Variants in PNLIP observed in about 807,000 individuals in gnomAD.
The protein encoded by PNLIP is pancreatic lipase.
A neutral mutation model predicts 57.1 loss-of-function variants in PNLIP; 49 were observed. The observed-to-expected ratio is 0.86, with a 90% confidence interval of 0.68 to 1.09. The LOEUF (loss-of-function observed/expected upper bound fraction) is 1.09, where lower values mean the gene tolerates loss of function less well. PNLIP is among the 50% of genes least tolerant of loss of function. PNLIP has a pLI of 0.00. For synonymous variants in PNLIP, 209 were observed against 200.4 expected (o/e 1.04, Z -0.36); for missense variants, 503 against 570.2 (o/e 0.88, Z 1.20).
In PNLIP at chr10:116,551,158, A is replaced by C. The variant is rs534226506; in HGVS notation, c.385A>C (p.Thr129Pro). 1 of 1,613,186 alleles carries C rather than the reference A, an allele frequency of 6.2e-7. No individual in the cohort carries two copies. The highest frequency in any genetic ancestry group is 2.2e-5 in the East Asian group (1 of 44,850). ...TGTGGACTGGAAAGGTGGCTCCCGA[A>C]CTGGATACACACAAGCCTCGCAGAA... ...ICVDWKGGSRTGYTQASQNIR... is the reference protein window; with the variant it reads ...ICVDWKGGSRPGYTQASQNIR... The change falls in exon 5 of 13, where the codon ACT becomes CCT. Residue 129 changes from threonine (T) to proline (P), a missense_variant. Physicochemically the swap from Thr to Pro is conservative, Grantham distance 38. Transcript: ENST00000369221.
chr10:116,555,376 T>C lies in PNLIP; in HGVS notation c.692-12T>C. On this transcript the variant is annotated splice_polypyrimidine_tract_variant and intron_variant, in intron 7 of 12. Coordinates refer to ENST00000369221, the MANE Select transcript of PNLIP (RefSeq NM_000936.4). ...CATTAGCATAAACCCTCATGTATTTTTATGATTTCAGGGTTTGGAATGAGC... is the reference window on the plus strand; with the variant it reads ...CATTAGCATAAACCCTCATGTATTTCTATGATTTCAGGGTTTGGAATGAGC... 6.2e-7 allele frequency: 1 copy of C among 1,614,164 alleles called. No individual in the cohort carries two copies. Among genetic ancestry groups the C allele is most frequent in the Non-Finnish European group, 8.5e-7 (1 of 1,180,020 alleles).
chr10:116,555,356 G>A, intron 7 of PNLIP, 32 bp from the exon 8 acceptor site: 1 of 1,614,112 alleles, frequency 6.2e-7, no homozygotes, highest in Non-Finnish European at 8.5e-7. Context: ...ATATACATTA[G>A]CATAAACCCT....
rs181453361 is a variant in PNLIP, at chr10:116,550,506, A to G, written c.325-592A>G. On this transcript the variant is annotated intron_variant, in intron 4 of 12. Coordinates refer to ENST00000369221, the MANE Select transcript of PNLIP (RefSeq NM_000936.4). ...TAGATATCTGGTAGGCAATGTTTTC[A>G]TGTGAAATATTAATAACTCTTTAGT... 6.0e-3 allele frequency among the ~76,000 whole-genome samples: 911 copies of G among 152,314 alleles called. 34 individuals are homozygous for G. The highest frequency in any genetic ancestry group is 0.056 in the Admixed American group (856 of 15,300).
chr10:116,564,653 G>GA (rs1394369797), intron 12 of PNLIP, among the ~76,000 whole-genome samples: 2 of 152,012 alleles, frequency 1.3e-5, no homozygotes, highest in African/African-American at 2.4e-5. Context: ...AATTCTCTTT[G>GA]AAAAAATTGA....
chr10:116,551,883 T>G (rs760522833), intron 5 of PNLIP, among the ~76,000 whole-genome samples: 3 of 152,216 alleles, frequency 2.0e-5, no homozygotes, highest in Non-Finnish European at 4.4e-5. Flanking sequence ...ACTGAGGTTT[T>G]TGAAGGTTCT....
intron 12 of PNLIP, among the ~76,000 whole-genome samples, chr10:116,563,973 T>TGAA (rs776308512): frequency 3.3e-5 from 5 of 152,122 alleles, no homozygotes; most frequent in Non-Finnish European, 5.9e-5. Context: ...TTTAGGTCTT[T>TGAA]GAAGACCCTA....
chr10:116,552,500 A>G (rs1400700534), intron 5 of PNLIP, among the ~76,000 whole-genome samples: 1 of 152,252 alleles, frequency 6.6e-6, no homozygotes, highest in East Asian at 1.9e-4. Flanking sequence ...AAATGGTTAT[A>G]GAATCAAGAT....
chr10:116,555,989 C>T lies in PNLIP; in HGVS notation c.812-11C>T, dbSNP rs1159263115. The T allele has an allele frequency of 6.6e-7, 1 of 1,510,186 alleles. No homozygotes were observed. The highest frequency in any genetic ancestry group is 9.2e-7 in the Non-Finnish European group (1 of 1,085,570). 93.5% of individuals were successfully genotyped at this position (1,510,186 alleles called of 1,614,324 possible). Reference sequence around the variant, plus strand: ...ATCTGTCCTTGATGTGTAATTGTGTCTGATTCAAAGGGACTCGAGACTTTG... The same window carrying T: ...ATCTGTCCTTGATGTGTAATTGTGTTTGATTCAAAGGGACTCGAGACTTTG... On this transcript the variant is annotated splice_polypyrimidine_tract_variant and intron_variant, in intron 8 of 12. Coordinates refer to ENST00000369221, the MANE Select transcript of PNLIP (RefSeq NM_000936.4).
intron 9 of PNLIP, among the ~76,000 whole-genome samples, chr10:116,557,523 A>C (rs578065674): frequency 6.6e-6 from 1 of 152,268 alleles, no homozygotes; most frequent in Non-Finnish European, 1.5e-5. Flanking sequence ...TGATGGGCAC[A>C]CTGCTGTATT....
Position 116,561,571 on chromosome 10 carries a change from G to C in PNLIP, c.1269G>C (p.Val423=). The C allele has an allele frequency of 6.2e-7, 1 of 1,613,636 alleles. No individual in the cohort carries two copies. Among genetic ancestry groups the C allele is most frequent in the East Asian group, 2.2e-5 (1 of 44,846 alleles). ...QMVKFIWYNN[V]INPTLPRVGA... ...TTAAATTTATTTGGTATAACAATGT[G>C]ATCAACCCAACTTTACCTAGAGTGG... is the stretch of plus-strand genomic sequence containing the variant. The change falls in exon 12 of 13, where the codon GTG becomes GTC. Residue 423 remains valine (V), a synonymous_variant. Coordinates refer to ENST00000369221, the MANE Select transcript of PNLIP (RefSeq NM_000936.4).
intron 12 of PNLIP, among the ~76,000 whole-genome samples, chr10:116,564,427 T>G (rs1847344291): frequency 6.6e-6 from 1 of 152,184 alleles, no homozygotes. Context: ...CTGGAATTTA[T>G]ACCCATAAAT....
intron 8 of PNLIP, 146 bp from the exon 9 acceptor site, chr10:116,555,854 A>G (rs1847247546): frequency 1.5e-6 from 1 of 645,912 alleles, no homozygotes; most frequent in South Asian, 1.9e-5. Flanking sequence ...CACAAATCAT[A>G]AATATACTTT....
chr10:116,552,223 T>C (rs1234102643), intron 5 of PNLIP, among the ~76,000 whole-genome samples: 1 of 152,242 alleles, frequency 6.6e-6, no homozygotes, highest in East Asian at 1.9e-4. Context: ...TTATCATTAT[T>C]TTAAAGTATA....
At chr10:116,556,497 C>T (rs1201242728) in intron 9 of PNLIP, among the ~76,000 whole-genome samples, 3 of 152,276 alleles carry the variant, frequency 2.0e-5, no homozygotes, top group Middle Eastern at 3.4e-3. Context: ...TAATTATAGA[C>T]ATGTGGACAT....
chr10:116,567,463 A>G (rs887234533), intron 12 of PNLIP, among the ~76,000 whole-genome samples: 1 of 152,190 alleles, frequency 6.6e-6, no homozygotes, highest in African/African-American at 2.4e-5. Context: ...CTAAGTGTTC[A>G]GTGACTGCTC....
chr10:116,567,029 T>C (rs1159578139), intron 12 of PNLIP, among the ~76,000 whole-genome samples: 1 of 147,028 alleles, frequency 6.8e-6, no homozygotes, highest in African/African-American at 2.5e-5. Context: ...CCTTCCTCCC[T>C]CCCTCTGTCC....
At position 116,551,170 on chromosome 10, in the gene PNLIP, C is replaced by A. The variant is rs936335398; in HGVS notation, c.397C>A (p.Gln133Lys). 1 of 1,612,480 alleles carries A rather than the reference C, an allele frequency of 6.2e-7. No individual in the cohort carries two copies. Among genetic ancestry groups the A allele is most frequent in the African/African-American group, 1.3e-5 (1 of 74,722 alleles). ...WKGGSRTGYT[Q>K]ASQNIRIVGA... ...AGGTGGCTCCCGAACTGGATACACA[C>A]AAGCCTCGCAGAACATCAGGATCGT... The change falls in exon 5 of 13, where the codon CAA becomes AAA. Residue 133 changes from glutamine to lysine, a missense_variant. By Grantham distance (53) the Gln-to-Lys change is moderately conservative (BLOSUM62 1). Transcript: ENST00000369221.
chr10:116,546,684 A>G (rs560978666), intron 2 of PNLIP, among the ~76,000 whole-genome samples: 28 of 152,306 alleles, frequency 1.8e-4, no homozygotes, highest in Non-Finnish European at 3.8e-4. Context: ...CAGCCCCCAC[A>G]ACAGCTGCTA....
chr10:116,567,640 A>C, intron 12 of PNLIP, 95 bp from the exon 13 acceptor site: 1 of 995,954 alleles, frequency 1.0e-6, no homozygotes, highest in Non-Finnish European at 1.6e-6. Context: ...CCCTTCCCTC[A>C]GACTAGGAGG....
Sources: gnomAD v4.1 joint callset for allele counts (sites outside exome capture counted in the v4.1 genomes callset) on GRCh38, gnomAD v4.1.1 for gene constraint, MANE v1.5 for transcripts, NCBI Gene and HGNC (gene_info 2026-07-23, HGNC 2026-07-21) for gene names.